The following SLC2A9 variants were observed in gnomAD, a reference collection of about 807,000 sequenced individuals.
SLC2A9 encodes solute carrier family 2 member 9.
SLC2A9 carries 39 observed loss-of-function variants against 50.6 expected under a neutral mutation model. That is an observed-to-expected ratio of 0.77 (90% CI 0.60 to 1.01). The LOEUF is 1.01. Among genes scored for constraint, SLC2A9 ranks in the 50% least tolerant of loss-of-function variants. The pLI is 0.00. For synonymous variants in SLC2A9, 324 were observed against 276.9 expected (o/e 1.17, Z -1.69); for missense variants, 686 against 677.6 (o/e 1.01, Z -0.14).
At position 9,782,059 on chromosome 4, in the gene SLC2A9, G is replaced by A. The variant is rs755213948; in HGVS notation, n.386-1994C>T. 53 of 1,487,188 alleles carry A rather than the reference G, an allele frequency of 3.6e-5. No homozygotes were observed. The South Asian group carries it at 6.9e-4, about 19-fold the overall frequency. 92.1% of individuals were successfully genotyped at this position (1,487,188 alleles called of 1,614,324 possible). On this transcript the variant is annotated intron_variant and non_coding_transcript_variant, in intron 3 of 3. Transcript: ENST00000503803. The stretch of plus-strand genomic sequence containing the variant: ...TGCCGCCAGGCAGCAACGGCACCGC[G>A]TACCCGGGGCAGTTCGCTCTATACC...
chr4:9,956,544 C>T (rs556466249), intron 5 of SLC2A9, among the ~76,000 whole-genome samples: 31 of 152,224 alleles, frequency 2.0e-4, no homozygotes, highest in African/African-American at 7.0e-4. Context: ...CAGCCACCTC[C>T]ACCTATGAGC....
At chr4:9,845,173 A>C (rs6449053) in intron 10 of SLC2A9, among the ~76,000 whole-genome samples, 143,385 of 151,914 alleles carry the variant, frequency 0.94, 67,928 homozygotes, top group Non-Finnish European at 0.96. Flanking sequence ...GCCACCACAC[A>C]TGGATAATTT....
At chr4:10,022,005 A>AT (rs1227258530), upstream of SLC2A9, among the ~76,000 whole-genome samples, 1 of 152,006 alleles carries the variant, frequency 6.6e-6, no homozygotes, top group Non-Finnish European at 1.5e-5. Context: ...CGCCTGGCTG[A>AT]TTTTTGTATT....
At chr4:9,836,023 G>A (rs1419044185) in intron 10 of SLC2A9, among the ~76,000 whole-genome samples, 2 of 144,102 alleles carry the variant, frequency 1.4e-5, no homozygotes, top group Admixed American at 7.2e-5. Flanking sequence ...GAAGGTGGAG[G>A]TTGCAGTGAG....
downstream of SLC2A9, among the ~76,000 whole-genome samples, chr4:9,775,734 G>A (rs1717465342): frequency 6.6e-6 from 1 of 152,188 alleles, no homozygotes; most frequent in Non-Finnish European, 1.5e-5. Context: ...AAGCCAAGCA[G>A]ATGCCAGCAC....
chr4:9,785,183 A>G (rs1719062192), intron 3 of SLC2A9, among the ~76,000 whole-genome samples: 1 of 152,190 alleles, frequency 6.6e-6, no homozygotes, highest in African/African-American at 2.4e-5. Flanking sequence ...GAGTGAGTCA[A>G]TTAACCTTTC....
intron 3 of SLC2A9, among the ~76,000 whole-genome samples, chr4:9,780,420 C>T (rs778244333): frequency 9.9e-5 from 15 of 151,774 alleles, no homozygotes; most frequent in African/African-American, 1.7e-4. Context: ...CCCTCTCCAG[C>T]GGCAAAAAGC....
At chr4:9,993,162 G>A (rs770169047) in intron 3 of SLC2A9, among the ~76,000 whole-genome samples, 22 of 152,326 alleles carry the variant, frequency 1.4e-4, no homozygotes, top group African/African-American at 4.8e-4. Context: ...ATATGGTTAC[G>A]TGGCTTGTCC....
intron 3 of SLC2A9, among the ~76,000 whole-genome samples, chr4:9,994,747 T>G (rs934543647): frequency 2.6e-5 from 4 of 151,972 alleles, no homozygotes; most frequent in African/African-American, 9.7e-5. Flanking sequence ...ATTCTAGTGT[T>G]CCTTTTCCTA....
intron 2 of SLC2A9, among the ~76,000 whole-genome samples, chr4:10,002,342 C>T (rs902688754): frequency 1.3e-5 from 2 of 152,204 alleles, no homozygotes; most frequent in Non-Finnish European, 1.5e-5. Context: ...TTCACCCTCA[C>T]GACAACCCTA....
chr4:9,775,907 C>A (rs930045554), downstream of SLC2A9, among the ~76,000 whole-genome samples: 11 of 152,300 alleles, frequency 7.2e-5, 2 homozygotes, highest in Admixed American at 3.9e-4. Context: ...AGCTACACTT[C>A]TAGAACACAC....
At chr4:10,024,450 GAC>G (rs1433315105), upstream of SLC2A9, among the ~76,000 whole-genome samples, 8 of 152,350 alleles carry the variant, frequency 5.3e-5, no homozygotes, top group South Asian at 8.3e-4. Flanking sequence ...TGAGGACACA[GAC>G]ACACACAGAG....
At chr4:9,939,467 G>T (rs577399523) in intron 6 of SLC2A9, among the ~76,000 whole-genome samples, 1 of 152,220 alleles carries the variant, frequency 6.6e-6, no homozygotes, top group Admixed American at 6.5e-5. Context: ...ACAGTGCCGA[G>T]CATGGTGCTA....
At chr4:9,913,693 G>A (rs1391955086) in intron 7 of SLC2A9, among the ~76,000 whole-genome samples, 2 of 152,192 alleles carry the variant, frequency 1.3e-5, no homozygotes. Context: ...CCTGCAGGAA[G>A]CTGGAGATGT....
intron 7 of SLC2A9, among the ~76,000 whole-genome samples, chr4:9,915,923 T>C (rs1742771139): frequency 6.6e-6 from 1 of 152,208 alleles, no homozygotes; most frequent in Non-Finnish European, 1.5e-5. Flanking sequence ...CAAAACTTGA[T>C]TTGGGCTCCA....
At chr4:9,885,777 G>A (rs967478167) in intron 10 of SLC2A9, among the ~76,000 whole-genome samples, 1 of 152,194 alleles carries the variant, frequency 6.6e-6, no homozygotes, top group Non-Finnish European at 1.5e-5. Context: ...GCAGCCCACT[G>A]CCTGCTTTTG....
chr4:10,019,131 G>A, intron 1 of SLC2A9, 58 bp from the exon 2 acceptor site: 3 of 1,408,532 alleles, frequency 2.1e-6, no homozygotes, highest in Admixed American at 2.0e-5. Context: ...AGGGCCGAGG[G>A]AAGACCTGGA....
chr4:9,978,620 C>T (rs891781527), intron 5 of SLC2A9, among the ~76,000 whole-genome samples: 2 of 152,140 alleles, frequency 1.3e-5, no homozygotes, highest in Non-Finnish European at 2.9e-5. Context: ...AGTTTGGAAC[C>T]TCACTTAGGT....
intron 4 of SLC2A9, among the ~76,000 whole-genome samples, chr4:9,982,071 G>A (rs544935027): frequency 3.2e-4 from 48 of 152,064 alleles, no homozygotes; most frequent in Non-Finnish European, 6.3e-4. Context: ...TAGTAGAGAC[G>A]GGTTTCTCCA....
Sources: allele counts gnomAD v4.1 joint callset (sites outside exome capture counted in the v4.1 genomes callset), GRCh38; gene constraint gnomAD v4.1.1; transcripts MANE v1.5; gene names NCBI Gene and HGNC (gene_info 2026-07-23, HGNC 2026-07-21).